The following DPYD variants were observed in gnomAD, a reference collection of about 807,000 sequenced individuals.
DPYD encodes dihydropyrimidine dehydrogenase, also known as dihydropyrimidine dehydrogenase [NADP(+)].
In DPYD, 109 loss-of-function variants were observed where a neutral mutation model predicts 116.2. The ratio of observed to expected loss-of-function variants is 0.94; its 90% CI spans 0.80 to 1.10. The LOEUF is 1.10. Among genes scored for constraint, DPYD ranks in the 50% least tolerant of loss-of-function variants. The pLI is 0.00. For missense variants in DPYD, 1,302 were observed against 1,254.5 expected (o/e 1.04, Z -0.57); for synonymous variants, 440 against 432.0 (o/e 1.02, Z -0.23).
At chr1:97,756,471 C>T (rs1028080551) in intron 3 of DPYD, among the ~76,000 whole-genome samples, 3 of 152,024 alleles carry the variant, frequency 2.0e-5, no homozygotes, top group Non-Finnish European at 2.9e-5. Context: ...ACATGAATGC[C>T]TTCCATATGA....
intron 8 of DPYD, among the ~76,000 whole-genome samples, chr1:97,609,550 G>A (rs930305323): frequency 6.6e-6 from 1 of 152,024 alleles, no homozygotes; most frequent in Admixed American, 6.6e-5. Context: ...CTATGGACTA[G>A]GTATCCTTAT....
chr1:97,544,897 T>C (rs1650711520), intron 12 of DPYD, among the ~76,000 whole-genome samples: 1 of 152,196 alleles, frequency 6.6e-6, no homozygotes. Context: ...ATTTTCACTA[T>C]GAATTCACAC....
intron 21 of DPYD, among the ~76,000 whole-genome samples, chr1:97,084,692 A>C (rs1274207798): frequency 6.6e-6 from 1 of 152,180 alleles, no homozygotes; most frequent in African/African-American, 2.4e-5. Flanking sequence ...GCAGGGATTG[A>C]GAACCAGTGT....
chr1:97,776,547 T>C (rs1167947305), intron 3 of DPYD, among the ~76,000 whole-genome samples: 1 of 152,194 alleles, frequency 6.6e-6, no homozygotes, highest in East Asian at 1.9e-4. Flanking sequence ...GATTGGATTA[T>C]TTTCCCAAGA....
intron 14 of DPYD, among the ~76,000 whole-genome samples, chr1:97,432,514 A>T (rs1675240369): frequency 2.0e-5 from 3 of 149,836 alleles, no homozygotes; most frequent in Non-Finnish European, 4.5e-5. Context: ...CTCCCACTAG[A>T]TTTTTTTTTT....
intron 10 of DPYD, among the ~76,000 whole-genome samples, chr1:97,575,108 A>T (rs990363927): frequency 5.9e-5 from 9 of 152,098 alleles, no homozygotes; most frequent in Non-Finnish European, 1.2e-4. Flanking sequence ...CTAACTTTGG[A>T]GGGTTAAGTG....
At chr1:97,511,111 C>T (rs1270274916) in intron 13 of DPYD, among the ~76,000 whole-genome samples, 1 of 151,874 alleles carries the variant, frequency 6.6e-6, no homozygotes, top group Non-Finnish European at 1.5e-5. Context: ...GAGAACTGAT[C>T]ATGCGTGCTG....
At chr1:97,662,691 C>A (rs1011129984) in intron 8 of DPYD, among the ~76,000 whole-genome samples, 2 of 152,108 alleles carry the variant, frequency 1.3e-5, no homozygotes, top group African/African-American at 2.4e-5. Flanking sequence ...TGTGGACTAA[C>A]CTTTTTTTGC....
At chr1:97,448,608 T>C (rs951948977) in intron 14 of DPYD, among the ~76,000 whole-genome samples, 1 of 149,598 alleles carries the variant, frequency 6.7e-6, no homozygotes, top group African/African-American at 2.5e-5. Flanking sequence ...TTTCTTTTTA[T>C]AGTTGATCTT....
chr1:97,372,741 A>T (rs1016112998), intron 16 of DPYD, among the ~76,000 whole-genome samples: 4 of 152,062 alleles, frequency 2.6e-5, no homozygotes, highest in Non-Finnish European at 5.9e-5. Context: ...TGATGACTTG[A>T]GAGAAAAAAA....
chr1:97,826,245 T>C (rs1669239666), intron 3 of DPYD, among the ~76,000 whole-genome samples: 1 of 152,238 alleles, frequency 6.6e-6, no homozygotes, highest in African/African-American at 2.4e-5. Context: ...TAAAATGTTA[T>C]GTATAACGAA....
chr1:97,297,361 T>A (rs569224537), intron 18 of DPYD, among the ~76,000 whole-genome samples: 18 of 152,138 alleles, frequency 1.2e-4, no homozygotes, highest in Non-Finnish European at 2.1e-4. Context: ...GCCCCACACT[T>A]AAGGACCTCT....
chr1:97,734,444 G>T (rs149763632), intron 4 of DPYD, among the ~76,000 whole-genome samples: 49 of 152,156 alleles, frequency 3.2e-4, no homozygotes, highest in African/African-American at 1.0e-3. Flanking sequence ...TGTAGTATCA[G>T]TATCTGATAT....
rs1400766428 is a variant in DPYD at position 97,434,500 on chromosome 1, T to A, written c.1905+15559A>T. On this transcript the variant is annotated intron_variant, in intron 14 of 22. Transcript: ENST00000370192. ...TATTCAGGCTAATACCAGGGATGCA[T>A]AAATTCTTTCTATCCTATTTACAAT... 2.0e-5 allele frequency among the ~76,000 whole-genome samples: 3 copies of A among 152,058 alleles called. No homozygotes were observed. In the East Asian group the frequency reaches 5.8e-4, roughly 29 times the overall value.
At position 97,362,617 on chromosome 1, in the gene DPYD, G is replaced by A. The variant is rs140603864; in HGVS notation, c.2058+10944C>T. On this transcript the variant is annotated intron_variant, in intron 16 of 22. Coordinates refer to ENST00000370192, the MANE Select transcript of DPYD (RefSeq NM_000110.4). ...TACCAAAAGAGCTATATAGACCAAC[G>A]GAACAGAACAGAGGCCTCAGAAATA... Among the ~76,000 whole-genome samples the A allele has an allele frequency of 2.1e-3, 317 of 152,164 alleles. 3 individuals carry two copies. Among genetic ancestry groups the A allele is most frequent in the African/African-American group, 6.8e-3 (284 of 41,496 alleles).
chr1:97,486,101 A>G (rs1474416961), intron 13 of DPYD, among the ~76,000 whole-genome samples: 1 of 152,156 alleles, frequency 6.6e-6, no homozygotes, highest in Non-Finnish European at 1.5e-5. Flanking sequence ...TTATGTGACA[A>G]TTCATAATTT....
chr1:97,433,281 A>G (rs1019011655), intron 14 of DPYD, among the ~76,000 whole-genome samples: 1 of 152,178 alleles, frequency 6.6e-6, no homozygotes. Flanking sequence ...AATTCAGTGA[A>G]GTCCCATGAG....
intron 20 of DPYD, among the ~76,000 whole-genome samples, chr1:97,155,774 A>G (rs1201061686): frequency 6.6e-6 from 1 of 152,188 alleles, no homozygotes; most frequent in African/African-American, 2.4e-5. Flanking sequence ...AATTATAGCC[A>G]ACTACAAATT....
chr1:97,845,908 A>G (rs1435526665), intron 2 of DPYD, among the ~76,000 whole-genome samples: 13 of 152,216 alleles, frequency 8.5e-5, no homozygotes, highest in Non-Finnish European at 4.4e-5. Flanking sequence ...GCAGCCTCAC[A>G]TGGAGCCGGG....
Sources: allele counts gnomAD v4.1 joint callset (sites outside exome capture counted in the v4.1 genomes callset), GRCh38; gene constraint gnomAD v4.1.1; transcripts MANE v1.5; gene names NCBI Gene and HGNC (gene_info 2026-07-23, HGNC 2026-07-21).